Variants in FFAR4 observed in about 807,000 individuals in gnomAD.
FFAR4 encodes G-protein coupled receptor 120.
Under a neutral mutation model 27.0 loss-of-function variants are expected in FFAR4, and 19 were observed. The observed-to-expected ratio is 0.70, with a 90% confidence interval of 0.49 to 1.03. The LOEUF (loss-of-function observed/expected upper bound fraction) is 1.03. Ranked by LOEUF, FFAR4 falls within the 50% of genes least tolerant of loss-of-function variation. FFAR4 has a pLI of 0.00. For synonymous variants in FFAR4, 254 were observed against 215.6 expected, an observed-to-expected ratio of 1.18 and a Z score of -1.56; for missense variants, 476 against 479.0, an observed-to-expected ratio of 0.99 and a Z score of 0.06.
chr10:93,568,301 A>T (rs1329895611), intron 1 of FFAR4, among the ~76,000 whole-genome samples: 1 of 152,040 alleles, frequency 6.6e-6, no homozygotes, highest in Non-Finnish European at 1.5e-5. Context: ...GCGGAGAGAG[A>T]TAGAGAAAGG....
intron 2 of FFAR4, among the ~76,000 whole-genome samples, chr10:93,578,352 G>A (rs2058177174): frequency 6.7e-6 from 1 of 148,772 alleles, no homozygotes; most frequent in Admixed American, 6.7e-5. Flanking sequence ...AGGAAGAGGA[G>A]GTTGCAGTAA....
At chr10:93,585,214 A>G (rs75030641) in intron 2 of FFAR4, among the ~76,000 whole-genome samples, 1,494 of 148,938 alleles carry the variant, frequency 0.01, 11 homozygotes, top group Non-Finnish European at 0.017. Context: ...ATTGCCTGCC[A>G]TGCCTCTGCT....
chr10:93,579,374 C>T (rs899671640), intron 2 of FFAR4, among the ~76,000 whole-genome samples: 1 of 152,168 alleles, frequency 6.6e-6, no homozygotes, highest in Non-Finnish European at 1.5e-5. Flanking sequence ...TGCGCACTGG[C>T]CACCATACTG....
intron 1 of FFAR4, among the ~76,000 whole-genome samples, chr10:93,571,430 A>G (rs1304762746): frequency 6.6e-6 from 1 of 152,144 alleles, no homozygotes; most frequent in East Asian, 1.9e-4. Flanking sequence ...CCCACCCCAT[A>G]TTCTTTTGTT....
At chr10:93,568,210 G>A (rs2134537787) in intron 1 of FFAR4, among the ~76,000 whole-genome samples, 1 of 152,268 alleles carries the variant, frequency 6.6e-6, no homozygotes, top group East Asian at 1.9e-4. Flanking sequence ...CACGGAAGAG[G>A]GAATCTAGAC....
At position 93,566,942 on chromosome 10, in the gene FFAR4, T is replaced by C. The variant is rs373027961; in HGVS notation, c.222T>C (p.Thr74=). 4 of 1,610,660 alleles carry C rather than the reference T, an allele frequency of 2.5e-6. No homozygotes were observed. Among genetic ancestry groups the C allele is most frequent in the Non-Finnish European group, 3.4e-6 (4 of 1,179,426 alleles). ...LVARRRRRGA[T]ACLVLNLFCA... is the part of the protein sequence containing the mutation. ...CGCGCCGACGACGCCGCGGCGCGAC[T>C]GCCTGCCTGGTACTCAACCTCTTCT... The change falls in exon 1 of 3, where the codon ACT becomes ACC. Residue 74 remains threonine (T), a synonymous_variant. Coordinates refer to ENST00000371481, the MANE Select transcript of FFAR4 (RefSeq NM_001195755.2).
intron 2 of FFAR4, among the ~76,000 whole-genome samples, chr10:93,584,973 G>A (rs1044544454): frequency 3.9e-5 from 6 of 152,134 alleles, no homozygotes; most frequent in African/African-American, 7.2e-5. Flanking sequence ...CTCCCAAAGC[G>A]CTGAGATTCC....
At chr10:93,586,930 C>G (rs903860925) in intron 2 of FFAR4, among the ~76,000 whole-genome samples, 1 of 152,168 alleles carries the variant, frequency 6.6e-6, no homozygotes, top group Non-Finnish European at 1.5e-5. Flanking sequence ...AGAGACATCT[C>G]TTTTAAAAAA....
rs1275595008 is a variant in FFAR4, at chr10:93,589,964, C to T, written c.*2355C>T. The T allele has an allele frequency of 6.6e-6, 1 of 152,202 alleles. No individual in the cohort carries two copies. The highest frequency in any genetic ancestry group is 1.5e-5 in the Non-Finnish European group (1 of 68,042). 9.4% of individuals were successfully genotyped at this position (152,202 alleles called of 1,614,324 possible). A position where few individuals can be genotyped will look rare whatever the true frequency, so the allele number is the denominator to read the frequency against. ...CTTATGCAGTTTCTGGAGCAGCTTG[C>T]TTCTGAAGTCAGATTCATGGATATC... On this transcript the variant is annotated 3_prime_UTR_variant, in exon 3 of 3. Transcript: ENST00000371481.
chr10:93,582,964 A>C (rs2058206953), intron 2 of FFAR4, among the ~76,000 whole-genome samples: 1 of 152,070 alleles, frequency 6.6e-6, no homozygotes, highest in African/African-American at 2.4e-5. Flanking sequence ...TCACTATCAC[A>C]AGAACAGCGT....
intron 1 of FFAR4, among the ~76,000 whole-genome samples, chr10:93,571,644 G>T (rs1038197450): frequency 6.6e-5 from 10 of 152,208 alleles, no homozygotes; most frequent in African/African-American, 4.8e-5. Context: ...AGTGTGGATT[G>T]TCTGAGGAAA....
Position 93,567,306 on chromosome 10 carries a change from G to A in FFAR4, c.567+19G>A, listed in dbSNP as rs1299261949. ...CGACCAGGTGAGCGCCCCTCTGTGT[G>A]TGCCGGGCAGGTGTCCTGCGCAGGC... On this transcript the variant is annotated intron_variant, in intron 1 of 2. Coordinates refer to ENST00000371481, the MANE Select transcript of FFAR4 (RefSeq NM_001195755.2). The A allele has an allele frequency of 1.0e-5, 16 of 1,592,830 alleles. No homozygotes were observed. The highest frequency in any genetic ancestry group is 1.7e-4 in the Middle Eastern group (1 of 6,020).
chr10:93,579,052 G>A (rs1203119554), intron 2 of FFAR4: 10 of 932,728 alleles, frequency 1.1e-5, no homozygotes, highest in African/African-American at 1.6e-5. Flanking sequence ...TGAGACCTGA[G>A]GAGTTGGGGC....
At chr10:93,579,046 AC>A (rs2058183585) in intron 2 of FFAR4, 2 of 888,682 alleles carry the variant, frequency 2.3e-6, no homozygotes, top group Non-Finnish European at 3.8e-6. Flanking sequence ...AAATTCTGAG[AC>A]CTGAGGAGTT....
At position 93,567,177 on chromosome 10, in the gene FFAR4, C is replaced by T. The variant is rs1273006495; in HGVS notation, c.457C>T (p.Arg153Trp). 5 of 1,603,250 alleles carry T rather than the reference C, an allele frequency of 3.1e-6. No individual in the cohort carries two copies. Among genetic ancestry groups the T allele is most frequent in the South Asian group, 1.1e-5 (1 of 90,732 alleles). ...LQRGVRGPGR[R>W]ARAVLLALIW... The stretch of plus-strand genomic sequence containing the variant: ...GCGCGGCGTGCGGGGTCCTGGGCGG[C>T]GGGCGCGGGCAGTGCTGCTGGCGCT... Residue 153 changes from arginine to tryptophan, a missense_variant, in exon 1 of 3, where the codon CGG becomes TGG. Transcript: ENST00000371481.
At chr10:93,585,793 A>G (rs10082472) in intron 2 of FFAR4, among the ~76,000 whole-genome samples, 30,367 of 152,204 alleles carry the variant, frequency 0.2, 3,207 homozygotes, top group South Asian at 0.34. Context: ...ACCCATGGGC[A>G]GGCCCTTCCC....
intron 1 of FFAR4, among the ~76,000 whole-genome samples, chr10:93,569,401 CTGTT>C (rs148928191): frequency 0.035 from 5,273 of 152,198 alleles, 291 homozygotes; most frequent in African/African-American, 0.12. Context: ...ACACAGGTGA[CTGTT>C]TGGGTGAGAA....
intron 1 of FFAR4, among the ~76,000 whole-genome samples, chr10:93,572,061 C>A (rs1217358974): frequency 6.6e-6 from 1 of 152,142 alleles, no homozygotes; most frequent in Non-Finnish European, 1.5e-5. Context: ...AGTCATTTGG[C>A]AATTTTGTCC....
rs993597615 is a variant in FFAR4 at position 93,566,741 on chromosome 10, G to A, written c.21G>A (p.Arg7=). 22 of 1,600,102 alleles carry A rather than the reference G, an allele frequency of 1.4e-5. No homozygotes were observed. Among genetic ancestry groups the A allele is most frequent in the South Asian group, 2.2e-5 (2 of 90,004 alleles). Residue 7 remains arginine, a synonymous_variant, in exon 1 of 3, where the codon CGG becomes CGA. Transcript: ENST00000371481. MSPECA[R]AAGDAPLRSL... ...CGGGAATGTCCCCTGAATGCGCGCG[G>A]GCAGCGGGCGACGCGCCCTTGCGCA...
Sources: allele counts gnomAD v4.1 joint callset (sites outside exome capture counted in the v4.1 genomes callset), GRCh38; gene constraint gnomAD v4.1.1; transcripts MANE v1.5; gene names NCBI Gene and HGNC (gene_info 2026-07-23, HGNC 2026-07-21).